RIC1: variants seen among roughly 807,000 people sequenced by gnomAD.
The protein encoded by RIC1 is guanine nucleotide exchange factor subunit RIC1.
In RIC1, 88 loss-of-function variants were observed where a neutral mutation model predicts 169.0. The observed-to-expected ratio is 0.52, with a 90% CI of 0.44 to 0.62. The LOEUF is 0.62. Among genes scored for constraint, RIC1 ranks in the 20% least tolerant of loss-of-function variants. RIC1 has a pLI of 0.00. For synonymous variants in RIC1, 790 were observed against 601.5 expected, an observed-to-expected ratio of 1.31 and a Z score of -4.59; for missense variants, 1,877 against 1,725.5, an observed-to-expected ratio of 1.09 and a Z score of -1.56.
intron 2 of RIC1, among the ~76,000 whole-genome samples, chr9:5,677,765 C>G (rs948017017): frequency 6.6e-6 from 1 of 151,910 alleles, no homozygotes; most frequent in South Asian, 2.1e-4. Context: ...TTACTTATAG[C>G]ATTATATGTA....
chr9:5,654,764 G>A (rs1194796440), intron 1 of RIC1, among the ~76,000 whole-genome samples: 1 of 152,128 alleles, frequency 6.6e-6, no homozygotes, highest in Admixed American at 6.5e-5. Flanking sequence ...TGTTGGCCAG[G>A]CTGGTCTTGA....
intron 4 of RIC1, among the ~76,000 whole-genome samples, chr9:5,718,441 C>T (rs1464862477): frequency 6.6e-6 from 1 of 152,072 alleles, no homozygotes; most frequent in African/African-American, 2.4e-5. Flanking sequence ...TTCCCTGGAG[C>T]CCTTTAGTCA....
Position 5,629,120 on chromosome 9 carries a change from T to G in RIC1, c.-190T>G. On this transcript the variant is annotated 5_prime_UTR_variant, in exon 1 of 26. Transcript: ENST00000414202. ...CTTCCCTCCCCCACACTCGGCCCCG[T>G]CAGCTTGGGGGTGCCTTCGTCGCGC... 2.4e-5 allele frequency: 9 copies of G among 371,106 alleles called. No homozygotes were observed. The highest frequency in any genetic ancestry group is 1.0e-4 in the East Asian group (2 of 19,954). The allele number at this position is 371,106 out of a possible 1,614,324, so 23.0% of individuals were successfully genotyped here. A position where few individuals can be genotyped will look rare whatever the true frequency, so the allele number is the denominator to read the frequency against.
chr9:5,632,481 T>A (rs1306181712), intron 1 of RIC1, among the ~76,000 whole-genome samples: 1 of 152,132 alleles, frequency 6.6e-6, no homozygotes, highest in Non-Finnish European at 1.5e-5. Context: ...TACCCCAAAT[T>A]TGAGAAATAC....
At chr9:5,661,941 C>T (rs1426188500) in intron 2 of RIC1, among the ~76,000 whole-genome samples, 1 of 152,102 alleles carries the variant, frequency 6.6e-6, no homozygotes, top group Non-Finnish European at 1.5e-5. Flanking sequence ...AGCTTTTGTC[C>T]ATTCATTATG....
At chr9:5,699,373 A>G (rs1420263079) in intron 3 of RIC1, among the ~76,000 whole-genome samples, 8 of 152,238 alleles carry the variant, frequency 5.3e-5, no homozygotes, top group African/African-American at 1.9e-4. Context: ...GGTGGGCTTC[A>G]GCTTTGGCCC....
At chr9:5,713,600 G>C (rs1444629636) in intron 3 of RIC1, 1 of 225,764 alleles carries the variant, frequency 4.4e-6, no homozygotes, top group African/African-American at 2.3e-5. Context: ...CAAAATGCCT[G>C]TTGGTTCTCT....
intron 2 of RIC1, among the ~76,000 whole-genome samples, chr9:5,671,772 A>G (rs1820121997): frequency 6.6e-6 from 1 of 152,192 alleles, no homozygotes; most frequent in Non-Finnish European, 1.5e-5. Flanking sequence ...TAAAGTCAGA[A>G]TCATCAAGAT....
At chr9:5,760,196 C>T (rs1024843787) in intron 17 of RIC1, among the ~76,000 whole-genome samples, 1 of 152,174 alleles carries the variant, frequency 6.6e-6, no homozygotes, top group African/African-American at 2.4e-5. Flanking sequence ...CTGAAACTCT[C>T]ATAGAGAATC....
chr9:5,743,052 A>G (rs753525911), intron 9 of RIC1, 39 bp downstream of exon 9: 1 of 1,581,968 alleles, frequency 6.3e-7, no homozygotes, highest in Non-Finnish European at 8.6e-7. Context: ...AAATAACTCC[A>G]TTATTTCTCA....
chr9:5,720,774 G>GT (rs1823542509), intron 6 of RIC1, 24 bp downstream of exon 6: 5 of 1,553,412 alleles, frequency 3.2e-6, no homozygotes, highest in South Asian at 1.2e-5. Context: ...ACTTTGAAGG[G>GT]TTTTTTGTTA....
intron 6 of RIC1, among the ~76,000 whole-genome samples, chr9:5,730,849 C>G (rs566202641): frequency 2.6e-5 from 4 of 152,078 alleles, no homozygotes; most frequent in Middle Eastern, 3.2e-3. Flanking sequence ...CTTCAAAGCC[C>G]TAATTATCTG....
intron 1 of RIC1, among the ~76,000 whole-genome samples, chr9:5,647,780 G>A (rs753253881): frequency 4.6e-5 from 7 of 152,240 alleles, no homozygotes; most frequent in African/African-American, 1.7e-4. Context: ...TAGGTATTAC[G>A]TTGAATGGAA....
At chr9:5,682,381 C>T (rs1254990021) in intron 2 of RIC1, among the ~76,000 whole-genome samples, 1 of 152,068 alleles carries the variant, frequency 6.6e-6, no homozygotes, top group East Asian at 1.9e-4. Flanking sequence ...CAGCATTTGC[C>T]TGTCTGTAAA....
At chr9:5,630,855 A>C (rs907584017) in intron 1 of RIC1, among the ~76,000 whole-genome samples, 4 of 152,210 alleles carry the variant, frequency 2.6e-5, no homozygotes, top group Non-Finnish European at 4.4e-5. Context: ...CAGTTGAATA[A>C]TTTTTAATTT....
chr9:5,740,203 C>A (rs1197700489), intron 8 of RIC1, among the ~76,000 whole-genome samples: 1 of 152,182 alleles, frequency 6.6e-6, no homozygotes, highest in Non-Finnish European at 1.5e-5. Context: ...TTGCGTCTCA[C>A]AAGCAATGAA....
At chr9:5,655,155 G>T (rs1251311206) in intron 1 of RIC1, among the ~76,000 whole-genome samples, 1 of 152,094 alleles carries the variant, frequency 6.6e-6, no homozygotes, top group Admixed American at 6.5e-5. Context: ...TCCTTCCCTT[G>T]TTCCTGATCT....
chr9:5,721,527 C>T (rs1002870945), intron 6 of RIC1, among the ~76,000 whole-genome samples: 11 of 152,166 alleles, frequency 7.2e-5, no homozygotes, highest in Non-Finnish European at 1.5e-4. Context: ...TCTCCTAGTG[C>T]GCTTGTGGGC....
intron 6 of RIC1, among the ~76,000 whole-genome samples, chr9:5,722,009 C>T (rs1266232341): frequency 6.6e-6 from 1 of 151,944 alleles, no homozygotes; most frequent in African/African-American, 2.4e-5. Flanking sequence ...CTGCTTCAGC[C>T]TCCCGAGTTG....
Sources: gnomAD v4.1 joint callset for allele counts (sites outside exome capture counted in the v4.1 genomes callset) on GRCh38, gnomAD v4.1.1 for gene constraint, MANE v1.5 for transcripts, NCBI Gene and HGNC (gene_info 2026-07-23, HGNC 2026-07-21) for gene names.